FAF1: variants seen among roughly 807,000 people sequenced by gnomAD.
FAF1 encodes FAS-associated factor 1.
FAF1 carries 25 observed loss-of-function variants against 92.5 expected under a neutral mutation model. That is an observed-to-expected ratio of 0.27 (90% CI 0.20 to 0.38). The LOEUF is 0.38. Ranked by LOEUF, FAF1 falls within the 10% of genes least tolerant of loss-of-function variation. The pLI is 1.00. For synonymous variants in FAF1, 234 were observed against 273.2 expected (o/e 0.86, Z 1.42); for missense variants, 636 against 793.3 (o/e 0.80, Z 2.38).
intron 4 of FAF1, among the ~76,000 whole-genome samples, chr1:50,779,741 T>C (rs1453113521): frequency 1.3e-5 from 2 of 151,942 alleles, no homozygotes; most frequent in Admixed American, 6.6e-5. Context: ...AATAGATTCA[T>C]ATAACTATAA....
At chr1:50,823,264 CA>C (rs1644062838) in intron 2 of FAF1, among the ~76,000 whole-genome samples, 1 of 152,120 alleles carries the variant, frequency 6.6e-6, no homozygotes, top group East Asian at 1.9e-4. Flanking sequence ...GGTTGTTGTA[CA>C]TTTAAAATCA....
intron 18 of FAF1, among the ~76,000 whole-genome samples, chr1:50,453,374 C>T (rs1162173924): frequency 1.3e-5 from 2 of 152,200 alleles, no homozygotes; most frequent in African/African-American, 4.8e-5. Context: ...CACTCAAGAG[C>T]TGGGGCTTTG....
intron 2 of FAF1, among the ~76,000 whole-genome samples, chr1:50,854,160 A>G (rs1644373527): frequency 6.6e-6 from 1 of 152,040 alleles, no homozygotes; most frequent in Admixed American, 6.6e-5. Flanking sequence ...CACAAGCCAT[A>G]TAGATTTTTA....
intron 4 of FAF1, among the ~76,000 whole-genome samples, chr1:50,757,828 T>C (rs72902726): frequency 0.066 from 10,094 of 152,274 alleles, 412 homozygotes; most frequent in East Asian, 0.095. Flanking sequence ...TTGGGGATTT[T>C]TGAGTATTTT....
chr1:50,516,206 C>T (rs1046918358), intron 15 of FAF1, among the ~76,000 whole-genome samples: 1 of 152,170 alleles, frequency 6.6e-6, no homozygotes, highest in African/African-American at 2.4e-5. Flanking sequence ...TTACAGTTAT[C>T]TCTCATGAGT....
chr1:50,738,250 C>A (rs1189444464), intron 6 of FAF1, among the ~76,000 whole-genome samples: 2 of 151,976 alleles, frequency 1.3e-5, no homozygotes, highest in African/African-American at 2.4e-5. Context: ...TCAAGACCAG[C>A]CCGACCAACA....
intron 18 of FAF1, among the ~76,000 whole-genome samples, chr1:50,453,939 A>ACTGCT (rs1646323555): frequency 1.3e-5 from 2 of 152,094 alleles, no homozygotes; most frequent in Admixed American, 6.5e-5. Context: ...ACCCTAGCAT[A>ACTGCT]CTGCTCTGAT....
At chr1:50,601,215 C>T (rs12063643) in intron 8 of FAF1, among the ~76,000 whole-genome samples, 7,226 of 152,214 alleles carry the variant, frequency 0.047, 561 homozygotes, top group African/African-American at 0.16. Flanking sequence ...TTATTCTTCA[C>T]ATGAAAATAA....
intron 7 of FAF1, among the ~76,000 whole-genome samples, chr1:50,662,808 C>T (rs547132474): frequency 6.8e-6 from 1 of 147,864 alleles, no homozygotes; most frequent in East Asian, 2.1e-4. Context: ...TCACGTCATT[C>T]TCCTGCCTCA....
intron 15 of FAF1, among the ~76,000 whole-genome samples, chr1:50,533,465 A>T (rs1459327437): frequency 6.6e-6 from 1 of 152,182 alleles, no homozygotes; most frequent in Non-Finnish European, 1.5e-5. Flanking sequence ...TGCTTAACAA[A>T]CATTTACTAA....
chr1:50,514,927 G>A (rs940282418), intron 15 of FAF1, among the ~76,000 whole-genome samples: 2 of 152,082 alleles, frequency 1.3e-5, no homozygotes, highest in East Asian at 1.9e-4. Flanking sequence ...TTTCAAGAAC[G>A]ATGCCTCAGT....
intron 15 of FAF1, among the ~76,000 whole-genome samples, chr1:50,529,948 A>G (rs985413795): frequency 3.9e-5 from 6 of 152,330 alleles, no homozygotes; most frequent in East Asian, 1.9e-4. Flanking sequence ...CTGGATAAGT[A>G]ACTATTTTTC....
chr1:50,702,459 G>A (rs191298772), intron 7 of FAF1, among the ~76,000 whole-genome samples: 3 of 152,156 alleles, frequency 2.0e-5, no homozygotes, highest in African/African-American at 7.2e-5. Context: ...CTATCACAGA[G>A]TTACTGTCAC....
At chr1:50,892,752 C>G (rs1175211297) in intron 1 of FAF1, among the ~76,000 whole-genome samples, 1 of 152,232 alleles carries the variant, frequency 6.6e-6, no homozygotes, top group East Asian at 1.9e-4. Flanking sequence ...GTTCTGTTAT[C>G]CCTTTAAATA....
chr1:50,851,205 T>C (rs767233504), intron 2 of FAF1, among the ~76,000 whole-genome samples: 9 of 151,872 alleles, frequency 5.9e-5, no homozygotes, highest in Non-Finnish European at 1.2e-4. Flanking sequence ...CTCAGCCTCC[T>C]GAGTAGCTGG....
At chr1:50,666,571 T>C (rs1655643320) in intron 7 of FAF1, among the ~76,000 whole-genome samples, 1 of 152,158 alleles carries the variant, frequency 6.6e-6, no homozygotes, top group Admixed American at 6.5e-5. Flanking sequence ...CACTTAATTC[T>C]AAACAGTGGT....
chr1:50,543,761 T>C (rs1034875402), intron 13 of FAF1, among the ~76,000 whole-genome samples: 3 of 152,120 alleles, frequency 2.0e-5, no homozygotes, highest in African/African-American at 4.8e-5. Flanking sequence ...TCACTGTTTT[T>C]TTTTTTCCAT....
At chr1:50,493,099 C>A (rs912075900) in intron 15 of FAF1, among the ~76,000 whole-genome samples, 3 of 149,078 alleles carry the variant, frequency 2.0e-5, no homozygotes, top group Non-Finnish European at 4.4e-5. Context: ...GTGGTACGAT[C>A]TCCACTCACT....
chr1:50,606,715 G>A (rs111901479), intron 8 of FAF1: 10,007 of 152,144 alleles, frequency 0.066, 407 homozygotes, highest in East Asian at 0.092. Context: ...TGGTCAGGCT[G>A]GTCTCGGACT....
Sources: allele counts gnomAD v4.1 joint callset (sites outside exome capture counted in the v4.1 genomes callset), GRCh38; gene constraint gnomAD v4.1.1; transcripts MANE v1.5; gene names NCBI Gene and HGNC (gene_info 2026-07-23, HGNC 2026-07-21).